NIPAL2: variants seen among roughly 807,000 people sequenced by gnomAD.
The protein encoded by NIPAL2 is NIPA-like protein 2.
In NIPAL2, 43 loss-of-function variants were observed where a neutral mutation model predicts 48.9. The ratio of observed to expected loss-of-function variants is 0.88; its 90% confidence interval spans 0.69 to 1.13. The LOEUF (loss-of-function observed/expected upper bound fraction) is 1.13. Among genes scored for constraint, NIPAL2 ranks in the 50% most tolerant of loss-of-function variants. The probability of loss-of-function intolerance (pLI) is 0.00; values close to 1 mark genes in which losing one functional copy is unlikely to be tolerated. For missense variants in NIPAL2, 446 were observed against 461.4 expected (o/e 0.97, Z 0.31); for synonymous variants, 167 against 174.6 (o/e 0.96, Z 0.34).
At chr8:98,217,314 G>C in intron 5 of NIPAL2, 1 of 981,010 alleles carries the variant, frequency 1.0e-6, no homozygotes, top group South Asian at 4.8e-5. Context: ...ACAAGACAAG[G>C]GGTTGATGTG....
chr8:98,287,059 T>C (rs1370746755), intron 1 of NIPAL2, among the ~76,000 whole-genome samples: 1 of 151,744 alleles, frequency 6.6e-6, no homozygotes, highest in Non-Finnish European at 1.5e-5. Flanking sequence ...GGGAAGGGGG[T>C]AGTTAACAGA....
intron 5 of NIPAL2, among the ~76,000 whole-genome samples, chr8:98,219,452 C>G (rs1369312693): frequency 6.6e-6 from 1 of 152,048 alleles, no homozygotes; most frequent in Non-Finnish European, 1.5e-5. Context: ...TTGGAGGAAG[C>G]AAGGAGGACA....
chr8:98,193,746 T>G (rs12680361), intron 10 of NIPAL2, among the ~76,000 whole-genome samples: 51,366 of 149,326 alleles, frequency 0.34, 9,188 homozygotes, highest in South Asian at 0.53. Flanking sequence ...GAGGCTGCAG[T>G]AAGCTGAGAT....
chr8:98,198,677 G>T (rs1290810572), intron 8 of NIPAL2, among the ~76,000 whole-genome samples: 2 of 152,184 alleles, frequency 1.3e-5, no homozygotes, highest in Non-Finnish European at 1.5e-5. Context: ...TATGAGGATG[G>T]CTTCTTTCCT....
intron 1 of NIPAL2, among the ~76,000 whole-genome samples, chr8:98,260,964 C>A (rs1229556040): frequency 6.6e-6 from 1 of 152,202 alleles, no homozygotes; most frequent in East Asian, 1.9e-4. Context: ...CAAGTGGGTC[C>A]CTGACCCCTG....
intron 1 of NIPAL2, among the ~76,000 whole-genome samples, chr8:98,272,136 G>A (rs1010796452): frequency 3.9e-5 from 6 of 152,190 alleles, no homozygotes; most frequent in Middle Eastern, 3.4e-3. Context: ...CTATAGATGA[G>A]GAAACTGAAC....
intron 8 of NIPAL2, among the ~76,000 whole-genome samples, chr8:98,198,378 T>C (rs10086902): frequency 0.47 from 71,133 of 152,030 alleles, 16,849 homozygotes; most frequent in South Asian, 0.61. Context: ...AAGGGCCCTA[T>C]GGTTTTCAGA....
At chr8:98,212,342 C>T in intron 6 of NIPAL2, 63 bp downstream of exon 6, 1 of 885,640 alleles carries the variant, frequency 1.1e-6, no homozygotes, top group South Asian at 1.5e-5. Flanking sequence ...TATTTTCCTT[C>T]AAACCTCATT....
At position 98,253,631 on chromosome 8, in the gene NIPAL2, T is replaced by C. The variant is rs1390709346; in HGVS notation, c.204+388A>G. 2.0e-5 allele frequency among the ~76,000 whole-genome samples: 3 copies of C among 152,124 alleles called. No homozygotes were observed. The East Asian group carries it at 5.8e-4, about 29-fold the overall frequency. On this transcript the variant is annotated intron_variant, in intron 2 of 10. Coordinates refer to ENST00000430223, the MANE Select transcript of NIPAL2 (RefSeq NM_001321635.2). ...TTAAAGAAAGGGGAAAAAAACCCTATAATCTGTACTTTCATGAACTGCTTC... is the reference window on the plus strand; with the variant it reads ...TTAAAGAAAGGGGAAAAAAACCCTACAATCTGTACTTTCATGAACTGCTTC...
chr8:98,240,574 C>T (rs1812932394), intron 3 of NIPAL2, among the ~76,000 whole-genome samples: 1 of 152,080 alleles, frequency 6.6e-6, no homozygotes, highest in Non-Finnish European at 1.5e-5. Flanking sequence ...ATCATCTTAT[C>T]TTGGGGCCGA....
At chr8:98,266,546 C>G (rs1814756445) in intron 1 of NIPAL2, among the ~76,000 whole-genome samples, 1 of 142,836 alleles carries the variant, frequency 7.0e-6, no homozygotes, top group African/African-American at 2.7e-5. Flanking sequence ...GAGCAAGACT[C>G]TGTCTCCAAA....
intron 6 of NIPAL2, among the ~76,000 whole-genome samples, chr8:98,206,718 G>T (rs2447493): frequency 0.62 from 92,601 of 148,488 alleles, 29,048 homozygotes; most frequent in East Asian, 0.69. Flanking sequence ...AACCCAGGAG[G>T]CGGAGTTCGC....
At chr8:98,274,614 CTT>C (rs910223294) in intron 1 of NIPAL2, among the ~76,000 whole-genome samples, 6 of 151,944 alleles carry the variant, frequency 3.9e-5, no homozygotes, top group Admixed American at 6.6e-5. Context: ...TATAATCACT[CTT>C]TTGATATTTC....
intron 10 of NIPAL2, chr8:98,193,445 T>A (rs1810391743): frequency 6.2e-7 from 1 of 1,611,280 alleles, no homozygotes; most frequent in South Asian, 1.1e-5. Flanking sequence ...TATAACAACA[T>A]AGAAAAATAG....
chr8:98,242,471 G>A (rs373219054), intron 3 of NIPAL2, among the ~76,000 whole-genome samples: 96 of 142,866 alleles, frequency 6.7e-4, no homozygotes, highest in Middle Eastern at 4.1e-3. Context: ...ACAGGCAAAA[G>A]CCACTGCACC....
Position 98,190,553 on chromosome 8 carries a change from C to A in NIPAL2, c.*2425G>T, listed in dbSNP as rs1178813489. On this transcript the variant is annotated 3_prime_UTR_variant, in exon 11 of 11. Transcript: ENST00000430223. The stretch of plus-strand genomic sequence containing the variant: ...GACCAGGCTGGTCCCAAACTCCTAA[C>A]CTCAGATGATCTGTCAGCCTCAGCC... 1.3e-5 allele frequency: 2 copies of A among 152,212 alleles called. No homozygotes were observed. Among genetic ancestry groups the A allele is most frequent in the African/African-American group, 2.4e-5 (1 of 41,418 alleles). 9.4% of individuals were successfully genotyped at this position (152,212 alleles called of 1,614,324 possible).
At chr8:98,253,793 A>G (rs1813726933) in intron 2 of NIPAL2, among the ~76,000 whole-genome samples, 1 of 152,176 alleles carries the variant, frequency 6.6e-6, no homozygotes, top group African/African-American at 2.4e-5. Context: ...AGACCACTCC[A>G]TCCTGCAAAA....
In NIPAL2 at chr8:98,190,317, GT is replaced by G. The variant is rs1563798751; in HGVS notation, c.*2660del. The G allele has an allele frequency of 1.8e-5, 3 of 163,128 alleles. No homozygotes were observed. Among genetic ancestry groups the G allele is most frequent in the Non-Finnish European group, 3.8e-5 (3 of 78,022 alleles). 10.1% of individuals were successfully genotyped at this position (163,128 alleles called of 1,614,324 possible). On this transcript the variant is annotated 3_prime_UTR_variant, in exon 11 of 11. Transcript: ENST00000430223. ...GCTCACAGACTGGCCACTTGTTTTT[GT>G]TTGTTTGTTTGTTTGTTTGTTTTTG...
Position 98,222,495 on chromosome 8 carries a change from T to G in NIPAL2, c.542A>C (p.Gln181Pro). ...RTVQYYLVGW[Q>P]FLIYVILEIL... ...AATTCTTACCACATAGATCAGGAAC[T>G]GCCATCCGACAAGGTAATACTGTAC... The change falls in exon 5 of 11, where the codon CAG (glutamine) becomes CCG (proline). Residue 181 changes from glutamine (Q) to proline (P), a missense_variant. Physicochemically the swap from Gln to Pro is moderately conservative, Grantham distance 76. Transcript: ENST00000430223. 1 of 1,613,682 alleles carries G rather than the reference T, an allele frequency of 6.2e-7. No individual in the cohort carries two copies. Among genetic ancestry groups the G allele is most frequent in the Middle Eastern group, 1.6e-4 (1 of 6,062 alleles).
Sources: allele counts gnomAD v4.1 joint callset (sites outside exome capture counted in the v4.1 genomes callset), GRCh38; gene constraint gnomAD v4.1.1; transcripts MANE v1.5; gene names NCBI Gene and HGNC (gene_info 2026-07-23, HGNC 2026-07-21).